DNER: variants seen among roughly 807,000 people sequenced by gnomAD.
DNER encodes delta and Notch-like epidermal growth factor-related receptor.
DNER carries 33 observed loss-of-function variants against 78.2 expected under a neutral mutation model. The observed-to-expected ratio is 0.42, with a 90% CI of 0.32 to 0.56. The LOEUF is 0.56. Among genes scored for constraint, DNER ranks in the 20% least tolerant of loss-of-function variants. The pLI, the probability that DNER is intolerant of heterozygous loss-of-function variation, is 0.11. For synonymous variants in DNER, 417 were observed against 384.8 expected (o/e 1.08, Z -0.98); for missense variants, 918 against 975.3 (o/e 0.94, Z 0.78).
chr2:229,694,725 G>T (rs576514938), intron 1 of DNER, among the ~76,000 whole-genome samples: 49 of 152,318 alleles, frequency 3.2e-4, no homozygotes, highest in African/African-American at 1.1e-3. Context: ...TACCCCCATT[G>T]TATCTAAGAA....
chr2:229,517,719 G>A (rs1696008556), intron 5 of DNER, among the ~76,000 whole-genome samples: 2 of 152,212 alleles, frequency 1.3e-5, no homozygotes, highest in South Asian at 2.1e-4. Context: ...ATTTGGCAAT[G>A]TCTGGACATA....
intron 6 of DNER, among the ~76,000 whole-genome samples, chr2:229,486,042 G>A (rs1394744304): frequency 6.6e-6 from 1 of 152,116 alleles, no homozygotes; most frequent in African/African-American, 2.4e-5. Flanking sequence ...CTCTCACCCT[G>A]GGGGGATCTG....
At chr2:229,478,872 C>T (rs145588387) in intron 6 of DNER, among the ~76,000 whole-genome samples, 18,957 of 151,880 alleles carry the variant, frequency 0.12, 1,327 homozygotes, top group South Asian at 0.2. Flanking sequence ...CATAGGTAAA[C>T]GTGTGCCATG....
chr2:229,517,637 G>GTTC (rs1696006972), intron 5 of DNER, among the ~76,000 whole-genome samples: 2 of 152,208 alleles, frequency 1.3e-5, no homozygotes, highest in African/African-American at 4.8e-5. Context: ...AACGTGAGAG[G>GTTC]TCACTGGGCG....
chr2:229,653,566 C>T lies in DNER; in HGVS notation c.276+60582G>A, dbSNP rs557628915. Reference sequence around the variant, plus strand: ...CACATATGCACCAAGCCTCAGCTAGCACCCCCTGCCCAACACCAATTTTTT... The same window carrying T: ...CACATATGCACCAAGCCTCAGCTAGTACCCCCTGCCCAACACCAATTTTTT... On this transcript the variant is annotated intron_variant, in intron 1 of 12. Transcript: ENST00000341772. Among the ~76,000 whole-genome samples the T allele has an allele frequency of 3.3e-5, 5 of 149,804 alleles. No homozygotes were observed. In the East Asian group the frequency reaches 9.9e-4, roughly 30 times the overall value.
intron 1 of DNER, among the ~76,000 whole-genome samples, chr2:229,691,418 G>A (rs1264262491): frequency 2.6e-5 from 4 of 152,016 alleles, no homozygotes; most frequent in Non-Finnish European, 5.9e-5. Flanking sequence ...TCCTAAATGA[G>A]GGGAGATTAA....
At chr2:229,683,679 C>T (rs1354839182) in intron 1 of DNER, among the ~76,000 whole-genome samples, 1 of 152,082 alleles carries the variant, frequency 6.6e-6, no homozygotes, top group African/African-American at 2.4e-5. Flanking sequence ...CAATAATGAT[C>T]ATGATGGCGA....
At chr2:229,665,751 T>C (rs1384276961) in intron 1 of DNER, among the ~76,000 whole-genome samples, 3 of 152,182 alleles carry the variant, frequency 2.0e-5, no homozygotes, top group African/African-American at 7.2e-5. Flanking sequence ...CCATGAACAC[T>C]TGGGACCATC....
intron 6 of DNER, among the ~76,000 whole-genome samples, chr2:229,498,163 T>C (rs2154211878): frequency 6.6e-6 from 1 of 152,228 alleles, no homozygotes; most frequent in East Asian, 1.9e-4. Flanking sequence ...TTTAAAAGAA[T>C]GAAGGGCAAA....
chr2:229,475,202 G>A (rs1025831092), intron 7 of DNER, among the ~76,000 whole-genome samples: 9 of 152,142 alleles, frequency 5.9e-5, no homozygotes, highest in Admixed American at 5.9e-4. Flanking sequence ...ATGCAGGGAG[G>A]TATAAAATCA....
intron 11 of DNER, among the ~76,000 whole-genome samples, chr2:229,375,923 G>A (rs1692587784): frequency 6.6e-6 from 1 of 152,116 alleles, no homozygotes; most frequent in Non-Finnish European, 1.5e-5. Context: ...CTGAATCATG[G>A]GGGCGGGTCC....
chr2:229,627,614 G>A (rs1024380779), intron 1 of DNER, among the ~76,000 whole-genome samples: 2 of 152,202 alleles, frequency 1.3e-5, no homozygotes, highest in Non-Finnish European at 2.9e-5. Context: ...TGATCAGGAT[G>A]CCATGTGGAA....
rs769887998 is a variant in DNER at position 229,591,282 on chromosome 2, G to A, written c.585+298C>T. Among the ~76,000 whole-genome samples, 2 of 152,172 alleles carry A rather than the reference G, an allele frequency of 1.3e-5. No homozygotes were observed. Among genetic ancestry groups the A allele is most frequent in the Non-Finnish European group, 2.9e-5 (2 of 68,034 alleles). On this transcript the variant is annotated intron_variant, in intron 2 of 12. Coordinates refer to ENST00000341772, the MANE Select transcript of DNER (RefSeq NM_139072.4). This position sits in a 1 kb window ranked among gnomAD's most constrained non-coding sequence, Gnocchi z 4.6. The stretch of plus-strand genomic sequence containing the variant: ...TAAGGTCAATGATGGAGGGTCCTAT[G>A]ACATGTTCCTTTACATGACTACACT...
intron 5 of DNER, among the ~76,000 whole-genome samples, chr2:229,544,719 A>G (rs1209706812): frequency 6.6e-6 from 1 of 151,962 alleles, no homozygotes; most frequent in African/African-American, 2.4e-5. Context: ...TTTTTAGTAG[A>G]GACAGGGTTT....
chr2:229,485,880 G>T (rs1695258956), intron 6 of DNER, among the ~76,000 whole-genome samples: 1 of 151,946 alleles, frequency 6.6e-6, no homozygotes, highest in Non-Finnish European at 1.5e-5. Context: ...TTGTTTCTTT[G>T]GAGAGCTGTT....
rs532364619 is a variant in DNER at position 229,653,125 on chromosome 2, A to C, written c.276+61023T>G. Among the ~76,000 whole-genome samples, 24 of 152,244 alleles carry C rather than the reference A, an allele frequency of 1.6e-4. No homozygotes were observed. The East Asian group carries it at 4.4e-3, about 28-fold the overall frequency. On this transcript the variant is annotated intron_variant, in intron 1 of 12. Transcript: ENST00000341772. ...TTGCTTCTGTACTCTTCCCCATTGC[A>C]CTCTGAAAATCCAAGCTTTCTTTTC... is the stretch of plus-strand genomic sequence containing the variant.
At chr2:229,559,221 T>C (rs1473273807) in intron 4 of DNER, among the ~76,000 whole-genome samples, 1 of 152,048 alleles carries the variant, frequency 6.6e-6, no homozygotes, top group Non-Finnish European at 1.5e-5. Context: ...TATGGGTAGT[T>C]AGAAACATCA....
intron 1 of DNER, among the ~76,000 whole-genome samples, chr2:229,669,002 A>C (rs950357310): frequency 2.0e-5 from 3 of 152,206 alleles, no homozygotes; most frequent in African/African-American, 7.2e-5. Flanking sequence ...TGGATAAAGA[A>C]AATGTTGCAC....
At chr2:229,477,292 T>G in intron 6 of DNER, 39 bp from the exon 7 acceptor site, 5 of 1,507,984 alleles carry the variant, frequency 3.3e-6, no homozygotes, top group Non-Finnish European at 4.6e-6. Flanking sequence ...AAATAAGCTC[T>G]TCCAGACCCA....
Sources: allele counts gnomAD v4.1 joint callset (sites outside exome capture counted in the v4.1 genomes callset), GRCh38; gene constraint gnomAD v4.1.1; non-coding constraint Gnocchi (gnomAD v3.1); transcripts MANE v1.5; gene names NCBI Gene and HGNC (gene_info 2026-07-23, HGNC 2026-07-21).